Variants in BRINP3 observed in about 807,000 individuals in gnomAD.
BRINP3 encodes the protein BMP/retinoic acid inducible neural specific 3.
Under a neutral mutation model 71.0 loss-of-function variants are expected in BRINP3, and 19 were observed. That is an observed-to-expected ratio of 0.27 (90% confidence interval 0.19 to 0.39). The LOEUF is 0.39. BRINP3 is among the 10% of genes least tolerant of loss of function. The probability of loss-of-function intolerance (pLI) is 1.00; values close to 1 mark genes in which losing one functional copy is unlikely to be tolerated. For missense variants in BRINP3, 959 were observed against 940.8 expected, an observed-to-expected ratio of 1.02 and a Z score of -0.25; for synonymous variants, 380 against 337.7, an observed-to-expected ratio of 1.13 and a Z score of -1.37.
rs991731886 is a variant in BRINP3, at chr1:190,157,808, C to G, written c.1184+2860G>C. 7.2e-5 allele frequency among the ~76,000 whole-genome samples: 11 copies of G among 152,058 alleles called. No individual in the cohort carries two copies. In the East Asian group the frequency reaches 1.9e-3, roughly 27 times the overall value. The stretch of plus-strand genomic sequence containing the variant: ...GATTTATAGCAGTGCTTAGAGGAAG[C>G]TTTATTGATGTGAATGACTGTATTT... On this transcript the variant is annotated intron_variant, in intron 7 of 7. Coordinates refer to ENST00000367462, the MANE Select transcript of BRINP3 (RefSeq NM_199051.3).
At chr1:190,248,138 T>A (rs551351329) in intron 4 of BRINP3, among the ~76,000 whole-genome samples, 1 of 151,890 alleles carries the variant, frequency 6.6e-6, no homozygotes, top group African/African-American at 2.4e-5. Flanking sequence ...TTTTAATCCA[T>A]AATTTTAGTT....
At chr1:190,436,499 T>C (rs1242372605) in intron 2 of BRINP3, among the ~76,000 whole-genome samples, 2 of 151,694 alleles carry the variant, frequency 1.3e-5, no homozygotes, top group African/African-American at 4.8e-5. Context: ...AATTATAAGA[T>C]CCAAAAAAAG....
At chr1:190,284,785 C>G (rs1375757466) in intron 2 of BRINP3, among the ~76,000 whole-genome samples, 1 of 151,932 alleles carries the variant, frequency 6.6e-6, no homozygotes, top group African/African-American at 2.4e-5. Flanking sequence ...AAGAAAGAAA[C>G]TCTTTGGGGA....
At chr1:190,200,346 G>A (rs767440041) in intron 6 of BRINP3, among the ~76,000 whole-genome samples, 5 of 152,054 alleles carry the variant, frequency 3.3e-5, no homozygotes, top group Non-Finnish European at 4.4e-5. Context: ...TTAGACTTCA[G>A]ATGAATTTAG....
chr1:190,116,562 G>C (rs1292807031), intron 7 of BRINP3, among the ~76,000 whole-genome samples: 1 of 152,004 alleles, frequency 6.6e-6, no homozygotes, highest in Non-Finnish European at 1.5e-5. Flanking sequence ...CCACCCTGGG[G>C]TAACATGTCC....
chr1:190,392,269 A>G (rs1671300248), intron 2 of BRINP3, among the ~76,000 whole-genome samples: 1 of 151,720 alleles, frequency 6.6e-6, no homozygotes, highest in Non-Finnish European at 1.5e-5. Context: ...TAATAATGTC[A>G]ATAATATAGA....
chr1:190,121,599 C>T (rs1227388423), intron 7 of BRINP3, among the ~76,000 whole-genome samples: 1 of 151,978 alleles, frequency 6.6e-6, no homozygotes, highest in Non-Finnish European at 1.5e-5. Flanking sequence ...GTGTAAAATA[C>T]AGACAAAAAT....
chr1:190,101,084 T>C (rs1272654872), intron 7 of BRINP3, among the ~76,000 whole-genome samples: 1 of 152,194 alleles, frequency 6.6e-6, no homozygotes, highest in Non-Finnish European at 1.5e-5. Context: ...CAGATGCCAG[T>C]CTTTTGATCT....
intron 1 of BRINP3, among the ~76,000 whole-genome samples, chr1:190,466,926 T>G (rs1450905929): frequency 1.3e-5 from 2 of 151,610 alleles, no homozygotes; most frequent in Admixed American, 1.3e-4. Context: ...ATGTTTCCAT[T>G]AAAAAGAAGC....
chr1:190,250,553 G>C (rs1276718814), intron 4 of BRINP3, among the ~76,000 whole-genome samples: 1 of 151,904 alleles, frequency 6.6e-6, no homozygotes, highest in Non-Finnish European at 1.5e-5. Context: ...GTGATGAAAT[G>C]GTTGAATAGG....
chr1:190,274,388 T>C (rs1205114796), intron 3 of BRINP3, among the ~76,000 whole-genome samples: 3 of 151,604 alleles, frequency 2.0e-5, no homozygotes, highest in Non-Finnish European at 4.4e-5. Flanking sequence ...TGTGCATTTA[T>C]GGCAGATGTC....
intron 2 of BRINP3, among the ~76,000 whole-genome samples, chr1:190,341,080 C>T (rs1005476402): frequency 6.6e-6 from 1 of 151,748 alleles, no homozygotes; most frequent in African/African-American, 2.4e-5. Context: ...AACTGCTATG[C>T]TCCAGTAGTT....
chr1:190,153,151 C>T (rs1042865944), intron 7 of BRINP3, among the ~76,000 whole-genome samples: 2 of 152,072 alleles, frequency 1.3e-5, no homozygotes, highest in African/African-American at 2.4e-5. Context: ...GGTACATGCA[C>T]GATTTTTTTT....
intron 2 of BRINP3, among the ~76,000 whole-genome samples, chr1:190,366,729 C>A (rs1482569066): frequency 1.3e-5 from 2 of 152,080 alleles, no homozygotes; most frequent in Non-Finnish European, 2.9e-5. Flanking sequence ...TAAATACACC[C>A]ATTCGAAATG....
intron 2 of BRINP3, among the ~76,000 whole-genome samples, chr1:190,306,546 A>G (rs890462647): frequency 6.6e-6 from 1 of 151,942 alleles, no homozygotes; most frequent in African/African-American, 2.4e-5. Flanking sequence ...TAAAGACTAA[A>G]CTAGGTGTGG....
At chr1:190,347,622 T>G (rs1460129819) in intron 2 of BRINP3, among the ~76,000 whole-genome samples, 1 of 152,144 alleles carries the variant, frequency 6.6e-6, no homozygotes, top group Non-Finnish European at 1.5e-5. Flanking sequence ...GAAATACCAA[T>G]TTTCCCAAAA....
intron 2 of BRINP3, among the ~76,000 whole-genome samples, chr1:190,307,784 A>T (rs1231002714): frequency 6.6e-6 from 1 of 151,970 alleles, no homozygotes; most frequent in African/African-American, 2.4e-5. Context: ...ACACTAACAA[A>T]AGACAAAAAT....
chr1:190,332,637 T>A (rs1667042564), intron 2 of BRINP3, among the ~76,000 whole-genome samples: 1 of 152,038 alleles, frequency 6.6e-6, no homozygotes, highest in Admixed American at 6.6e-5. Flanking sequence ...TTTATTCATA[T>A]GTTCCTTATT....
chr1:190,112,215 T>C (rs1652755394), intron 7 of BRINP3, among the ~76,000 whole-genome samples: 1 of 152,184 alleles, frequency 6.6e-6, no homozygotes, highest in Non-Finnish European at 1.5e-5. Flanking sequence ...AGCTTTTTAG[T>C]GCTTGTTGAA....
Sources: gnomAD v4.1 joint callset for allele counts (sites outside exome capture counted in the v4.1 genomes callset) on GRCh38, gnomAD v4.1.1 for gene constraint, MANE v1.5 for transcripts, NCBI Gene and HGNC (gene_info 2026-07-23, HGNC 2026-07-21) for gene names.